BCAS3: variants seen among roughly 807,000 people sequenced by gnomAD.
The protein encoded by BCAS3 is BCAS3 microtubule associated cell migration factor.
In BCAS3, 53 loss-of-function variants were observed where a neutral mutation model predicts 116.1. The observed-to-expected ratio is 0.46, with a 90% CI of 0.37 to 0.57. The LOEUF (loss-of-function observed/expected upper bound fraction) is 0.57. BCAS3 is among the 20% of genes least tolerant of loss of function. The probability of loss-of-function intolerance (pLI) is 0.00; values close to 1 mark genes in which losing one functional copy is unlikely to be tolerated. For synonymous variants in BCAS3, 391 were observed against 408.2 expected, an observed-to-expected ratio of 0.96 and a Z score of 0.51; for missense variants, 917 against 1,165.4, an observed-to-expected ratio of 0.79 and a Z score of 3.10.
intron 10 of BCAS3, among the ~76,000 whole-genome samples, chr17:60,899,365 C>T (rs549929203): frequency 2.0e-5 from 3 of 152,322 alleles, no homozygotes; most frequent in South Asian, 4.1e-4. Flanking sequence ...CATGCCTGCT[C>T]ATGTCTCAGT....
Position 61,128,885 on chromosome 17 carries a change from G to A in BCAS3, c.2425+44321G>A, listed in dbSNP as rs1027113575. Among the ~76,000 whole-genome samples the A allele has an allele frequency of 2.6e-5, 4 of 152,148 alleles. No individual in the cohort carries two copies. The highest frequency in any genetic ancestry group is 9.7e-5 in the African/African-American group (4 of 41,442). On this transcript the variant is annotated intron_variant, in intron 22 of 23. Transcript: ENST00000407086. This position sits in a 1 kb window ranked among gnomAD's most constrained non-coding sequence, Gnocchi z 4.1. ...ATTTAAATCAGTTCCCCAAAATTTG[G>A]TAACCATTAAATTACTTCCTAAGTC...
At chr17:60,695,886 C>T (rs1486315762) in intron 4 of BCAS3, among the ~76,000 whole-genome samples, 1 of 152,184 alleles carries the variant, frequency 6.6e-6, no homozygotes, top group Admixed American at 6.5e-5. Flanking sequence ...GCATGAGCCA[C>T]TGTACTTGGG....
chr17:60,745,813 A>T (rs192443028), intron 5 of BCAS3, among the ~76,000 whole-genome samples: 1 of 152,152 alleles, frequency 6.6e-6, no homozygotes, highest in South Asian at 2.1e-4. Context: ...AATAATTTGT[A>T]GTAATTATCA....
intron 6 of BCAS3, among the ~76,000 whole-genome samples, chr17:60,803,824 G>C (rs1403393136): frequency 9.2e-6 from 1 of 108,896 alleles, no homozygotes; most frequent in African/African-American, 3.1e-5. Flanking sequence ...TTTTTGAGAC[G>C]GAGTTTCACT....
rs1310364939 is a variant in BCAS3, at chr17:61,208,175, T to C, written c.2425+123611T>C. 2.0e-5 allele frequency among the ~76,000 whole-genome samples: 3 copies of C among 152,196 alleles called. No homozygotes were observed. The highest frequency in any genetic ancestry group is 7.2e-5 in the African/African-American group (3 of 41,446). ...CAGGATGGGAAGGTTTCATGAACTT[T>C]CCAGAGACTAGTAACTTCCTATTCC... On this transcript the variant is annotated intron_variant, in intron 22 of 23. Coordinates refer to ENST00000407086, the MANE Select transcript of BCAS3 (RefSeq NM_017679.5). The surrounding 1 kb of genome is among the most constrained non-coding windows in gnomAD (Gnocchi z 4.5).
intron 22 of BCAS3, among the ~76,000 whole-genome samples, chr17:61,295,001 C>T (rs1182480335): frequency 6.6e-6 from 1 of 152,216 alleles, no homozygotes; most frequent in Non-Finnish European, 1.5e-5. Flanking sequence ...GACATCACTA[C>T]TCAAGACTGT....
At chr17:60,799,524 GTTTTTTTTTT>G (rs869112996) in intron 6 of BCAS3, among the ~76,000 whole-genome samples, 4 of 102,380 alleles carry the variant, frequency 3.9e-5, no homozygotes, top group Non-Finnish European at 5.9e-5. Flanking sequence ...ATTAGTGTTT[GTTTTTTTTTT>G]TTTTTTTTTT....
At chr17:60,906,442 C>G (rs1256243904) in intron 11 of BCAS3, among the ~76,000 whole-genome samples, 1 of 152,010 alleles carries the variant, frequency 6.6e-6, no homozygotes, top group African/African-American at 2.4e-5. Context: ...ATGTTCAAAC[C>G]CAAGCTTGGA....
At chr17:60,926,022 G>A (rs6504009) in intron 13 of BCAS3, among the ~76,000 whole-genome samples, 47,437 of 151,972 alleles carry the variant, frequency 0.31, 12,475 homozygotes, top group African/African-American at 0.72. Flanking sequence ...TTTTGACTCC[G>A]TTTTAACTGA....
At position 61,222,924 on chromosome 17, in the gene BCAS3, A is replaced by G. The variant is rs894322974; in HGVS notation, c.2425+138360A>G. Among the ~76,000 whole-genome samples the G allele has an allele frequency of 2.0e-5, 3 of 152,224 alleles. No individual in the cohort carries two copies. The highest frequency in any genetic ancestry group is 1.9e-4 in the East Asian group (1 of 5,180). ...GGGGGTTGTAATTTGTTTGCTGTTT[A>G]GGAGCCAGCCCTTCAGCTTCCTTTC... On this transcript the variant is annotated intron_variant, in intron 22 of 23. Transcript: ENST00000407086. The surrounding 1 kb of genome is among the most constrained non-coding windows in gnomAD (Gnocchi z 6.1).
chr17:60,730,586 TTGTTC>T (rs1487704094), intron 5 of BCAS3, among the ~76,000 whole-genome samples: 1 of 152,166 alleles, frequency 6.6e-6, no homozygotes, highest in Non-Finnish European at 1.5e-5. Flanking sequence ...AACAAAAAAC[TTGTTC>T]CCCTCTTCCT....
chr17:60,704,119 A>G (rs2143962596), intron 4 of BCAS3, among the ~76,000 whole-genome samples: 1 of 152,252 alleles, frequency 6.6e-6, no homozygotes, highest in Non-Finnish European at 1.5e-5. Flanking sequence ...GATAAAAAGA[A>G]GCAACTTCTG....
At chr17:60,907,950 A>G (rs2058274362) in intron 11 of BCAS3, among the ~76,000 whole-genome samples, 1 of 152,174 alleles carries the variant, frequency 6.6e-6, no homozygotes, top group Non-Finnish European at 1.5e-5. Context: ...GCTAACATGG[A>G]AACAAATTTA....
intron 22 of BCAS3, among the ~76,000 whole-genome samples, chr17:61,116,453 A>G (rs966643108): frequency 1.3e-5 from 2 of 152,126 alleles, no homozygotes; most frequent in African/African-American, 2.4e-5. Context: ...ATTATCTTAA[A>G]CATTCTCTTA....
At chr17:61,312,506 T>C (rs1436161729) in intron 22 of BCAS3, among the ~76,000 whole-genome samples, 1 of 152,230 alleles carries the variant, frequency 6.6e-6, no homozygotes, top group Non-Finnish European at 1.5e-5. Context: ...ACAAACAGGC[T>C]TTTCTTTAAC....
intron 16 of BCAS3, among the ~76,000 whole-genome samples, chr17:61,025,535 T>C (rs2145569757): frequency 6.6e-6 from 1 of 152,230 alleles, no homozygotes; most frequent in East Asian, 1.9e-4. Flanking sequence ...CTGTCTTGTT[T>C]GTGTGTACTC....
At chr17:61,308,115 C>T (rs73993434) in intron 22 of BCAS3, among the ~76,000 whole-genome samples, 8,177 of 152,226 alleles carry the variant, frequency 0.054, 622 homozygotes, top group African/African-American at 0.17. Flanking sequence ...TTGGAGTTCA[C>T]GCATCCCAGC....
At chr17:60,851,620 G>A in intron 7 of BCAS3, 2 of 670,798 alleles carry the variant, frequency 3.0e-6, no homozygotes, top group Non-Finnish European at 5.5e-6. Context: ...AAAGGGCAAA[G>A]GGGAGCAAAG....
At chr17:61,242,863 C>A (rs748826669) in intron 22 of BCAS3, among the ~76,000 whole-genome samples, 7 of 151,724 alleles carry the variant, frequency 4.6e-5, no homozygotes, top group Non-Finnish European at 1.0e-4. Context: ...ACAAAAAAAC[C>A]CAAAAAACTT....
Sources: gnomAD v4.1 joint callset for allele counts (sites outside exome capture counted in the v4.1 genomes callset) on GRCh38, gnomAD v4.1.1 for gene constraint, Gnocchi (gnomAD v3.1) non-coding constraint, MANE v1.5 for transcripts, NCBI Gene and HGNC (gene_info 2026-07-23, HGNC 2026-07-21) for gene names.